Variants in CNTNAP5 observed in about 807,000 individuals in gnomAD.
CNTNAP5 encodes the protein contactin-associated protein-like 5.
CNTNAP5 carries 72 observed loss-of-function variants against 150.2 expected under a neutral mutation model. That is an observed-to-expected ratio of 0.48 (90% CI 0.40 to 0.58). The LOEUF (loss-of-function observed/expected upper bound fraction) is 0.58, where lower values mean the gene tolerates loss of function less well. Ranked by LOEUF, CNTNAP5 falls within the 20% of genes least tolerant of loss-of-function variation. The pLI, the probability that CNTNAP5 is intolerant of heterozygous loss-of-function variation, is 0.00. For synonymous variants in CNTNAP5, 672 were observed against 619.8 expected (o/e 1.08, Z -1.25); for missense variants, 1,636 against 1,626.2 (o/e 1.01, Z -0.10).
Position 124,331,028 on chromosome 2 carries a change from C to A in CNTNAP5, c.382-86415C>A, listed in dbSNP as rs192266309. ...TTAGTTTTGGAAATTCTTACCAGGT[C>A]CAATAATATCAGAAATTACCAGAAA... On this transcript the variant is annotated intron_variant, in intron 3 of 23. Coordinates refer to ENST00000682447, the MANE Select transcript of CNTNAP5 (RefSeq NM_001367498.1). Among the ~76,000 whole-genome samples, 144 of 152,082 alleles carry A rather than the reference C, an allele frequency of 9.5e-4. 2 individuals are homozygous for A. The highest frequency in any genetic ancestry group is 6.8e-3 in the Middle Eastern group (2 of 294).
intron 3 of CNTNAP5, among the ~76,000 whole-genome samples, chr2:124,318,732 C>T (rs188460875): frequency 8.5e-5 from 13 of 152,262 alleles, no homozygotes; most frequent in African/African-American, 2.4e-4. Flanking sequence ...GCTACACAGC[C>T]TCTCTGTTCC....
At chr2:124,182,174 A>G (rs1685225857) in intron 1 of CNTNAP5, among the ~76,000 whole-genome samples, 1 of 152,172 alleles carries the variant, frequency 6.6e-6, no homozygotes, top group Non-Finnish European at 1.5e-5. Flanking sequence ...CATTACATTA[A>G]TCTAGTTTTC....
At chr2:124,206,027 T>C (rs1685854875) in intron 1 of CNTNAP5, among the ~76,000 whole-genome samples, 2 of 152,284 alleles carry the variant, frequency 1.3e-5, no homozygotes, top group Admixed American at 1.3e-4. Flanking sequence ...CTTTGCAGAG[T>C]ATATGTAGAA....
intron 13 of CNTNAP5, among the ~76,000 whole-genome samples, chr2:124,702,312 A>C (rs1679538205): frequency 7.0e-6 from 1 of 142,530 alleles, no homozygotes; most frequent in South Asian, 2.3e-4. Flanking sequence ...TTTAAAATGA[A>C]GAATTATGAT....
intron 3 of CNTNAP5, among the ~76,000 whole-genome samples, chr2:124,366,257 G>C (rs1032760692): frequency 1.3e-5 from 2 of 152,134 alleles, no homozygotes; most frequent in African/African-American, 4.8e-5. Context: ...TGCATATAAA[G>C]CACATACCAG....
In CNTNAP5 at chr2:124,914,643, C is replaced by T; in HGVS notation, c.*355C>T. 5.7e-6 allele frequency: 1 copy of T among 174,438 alleles called. No individual in the cohort carries two copies. The highest frequency in any genetic ancestry group is 1.2e-5 in the Non-Finnish European group (1 of 82,106). 10.8% of individuals were successfully genotyped at this position (174,438 alleles called of 1,614,324 possible). On this transcript the variant is annotated 3_prime_UTR_variant, in exon 24 of 24. Transcript: ENST00000682447. ...TTTTCCAACCACTTGGTGGTTCAGG[C>T]TTGCTTTGAACCTGAGCTCTTAGGC...
At chr2:124,878,590 G>T (rs930652740) in intron 21 of CNTNAP5, among the ~76,000 whole-genome samples, 2 of 152,014 alleles carry the variant, frequency 1.3e-5, no homozygotes, top group Non-Finnish European at 2.9e-5. Context: ...CCCACTCTAG[G>T]GGAATGAATG....
At chr2:124,145,835 A>AAAAAAAAAAAAAAAAAAAAAAAAAAAG (rs1684235103) in intron 1 of CNTNAP5, among the ~76,000 whole-genome samples, 1 of 49,798 alleles carries the variant, frequency 2.0e-5, no homozygotes, top group Non-Finnish European at 3.5e-5. Context: ...AAAAGAAGAA[A>AAAAAAAAAAAAAAAAAAAAAAAAAAAG]AAAAAAAAAA....
intron 13 of CNTNAP5, among the ~76,000 whole-genome samples, chr2:124,664,833 T>C (rs1039922011): frequency 6.6e-6 from 1 of 152,206 alleles, no homozygotes; most frequent in East Asian, 1.9e-4. Context: ...ATTACAGGCA[T>C]GTGCCACCAT....
intron 21 of CNTNAP5, among the ~76,000 whole-genome samples, chr2:124,872,033 A>G (rs1013820591): frequency 2.0e-5 from 3 of 151,922 alleles, no homozygotes; most frequent in African/African-American, 7.2e-5. Flanking sequence ...TCATTCTTTG[A>G]TATAACATCT....
At chr2:124,369,333 ACAGT>A (rs1690459512) in intron 3 of CNTNAP5, among the ~76,000 whole-genome samples, 2 of 152,120 alleles carry the variant, frequency 1.3e-5, no homozygotes, top group Non-Finnish European at 2.9e-5. Context: ...CTAATTACAA[ACAGT>A]CAATTATGTG....
chr2:124,735,442 C>G (rs1300460908), intron 13 of CNTNAP5, among the ~76,000 whole-genome samples: 1 of 143,638 alleles, frequency 7.0e-6, no homozygotes, highest in East Asian at 2.0e-4. Flanking sequence ...TTTTTTTTTG[C>G]TTTTCTGTTA....
intron 3 of CNTNAP5, among the ~76,000 whole-genome samples, chr2:124,348,461 T>C (rs1340557524): frequency 1.1e-4 from 16 of 152,218 alleles, no homozygotes; most frequent in Non-Finnish European, 2.4e-4. Context: ...TATGGGCATT[T>C]TGTAGATGCT....
intron 1 of CNTNAP5, among the ~76,000 whole-genome samples, chr2:124,205,803 T>C (rs1037647531): frequency 2.0e-5 from 3 of 152,240 alleles, no homozygotes; most frequent in African/African-American, 4.8e-5. Flanking sequence ...TCTGTGTGTT[T>C]TGCTGCCTCC....
At chr2:124,076,758 A>C (rs76889992) in intron 1 of CNTNAP5, among the ~76,000 whole-genome samples, 14,727 of 152,148 alleles carry the variant, frequency 0.097, 953 homozygotes, top group African/African-American at 0.18. Context: ...GAAAAATGGT[A>C]ATGAAAGTGG....
chr2:124,523,606 T>C (rs1333715094), intron 8 of CNTNAP5, among the ~76,000 whole-genome samples: 1 of 152,172 alleles, frequency 6.6e-6, no homozygotes, highest in Non-Finnish European at 1.5e-5. Flanking sequence ...AGCACCCACC[T>C]TTCTCCCAGT....
At chr2:124,775,766 G>A (rs1276348480) in intron 17 of CNTNAP5, among the ~76,000 whole-genome samples, 1 of 152,164 alleles carries the variant, frequency 6.6e-6, no homozygotes, top group Admixed American at 6.6e-5. Flanking sequence ...TAACAGAGCA[G>A]GAGACTCTTC....
intron 13 of CNTNAP5, among the ~76,000 whole-genome samples, chr2:124,734,036 G>A (rs1414365127): frequency 1.4e-4 from 21 of 152,096 alleles, no homozygotes; most frequent in Admixed American, 1.3e-3. Flanking sequence ...TGTGCTACTC[G>A]TTTGAGGTAC....
At chr2:124,350,714 A>G (rs2104701925) in intron 3 of CNTNAP5, among the ~76,000 whole-genome samples, 1 of 152,276 alleles carries the variant, frequency 6.6e-6, no homozygotes, top group South Asian at 2.1e-4. Context: ...ACAGAAATTT[A>G]TTGGAGATAT....
Sources: gnomAD v4.1 joint callset for allele counts (sites outside exome capture counted in the v4.1 genomes callset) on GRCh38, gnomAD v4.1.1 for gene constraint, MANE v1.5 for transcripts, NCBI Gene and HGNC (gene_info 2026-07-23, HGNC 2026-07-21) for gene names.